Variants in LYRM7 observed in about 807,000 individuals in gnomAD.
The protein encoded by LYRM7 is LYR motif containing 7, also known as complex III assembly factor LYRM7.
In LYRM7, 9 loss-of-function variants were observed where a neutral mutation model predicts 15.8. The observed-to-expected ratio is 0.57, with a 90% CI of 0.34 to 0.99. The LOEUF (loss-of-function observed/expected upper bound fraction) is 0.99, where lower values mean the gene tolerates loss of function less well. LYRM7 is among the 50% of genes least tolerant of loss of function. The pLI, the probability that LYRM7 is intolerant of heterozygous loss-of-function variation, is 0.02. For missense variants in LYRM7, 115 were observed against 119.1 expected, an observed-to-expected ratio of 0.97 and a Z score of 0.16; for synonymous variants, 39 against 39.4, an observed-to-expected ratio of 0.99 and a Z score of 0.04.
intron 1 of LYRM7, among the ~76,000 whole-genome samples, chr5:131,177,144 A>G (rs1465308040): frequency 1.3e-5 from 2 of 152,194 alleles, no homozygotes; most frequent in African/African-American, 4.8e-5. Flanking sequence ...CCTTTAATAG[A>G]TATCCTAGAT....
chr5:131,185,991 G>A (rs948642202), intron 3 of LYRM7, among the ~76,000 whole-genome samples: 4 of 152,164 alleles, frequency 2.6e-5, no homozygotes, highest in African/African-American at 9.7e-5. Context: ...AAATAGCTAA[G>A]TCTAAATAAT....
intron 4 of LYRM7, among the ~76,000 whole-genome samples, chr5:131,189,220 G>A (rs1209051884): frequency 6.6e-6 from 1 of 151,124 alleles, no homozygotes; most frequent in Admixed American, 6.6e-5. Context: ...GAGGCGGGCG[G>A]ATCACGAGGT....
rs577008496 is a variant in LYRM7 at position 131,184,647 on chromosome 5, G to T, written c.162+2348G>T. Among the ~76,000 whole-genome samples, 113 of 145,210 alleles carry T rather than the reference G, an allele frequency of 7.8e-4. 1 individual carries two copies. The South Asian group carries it at 0.022, about 28-fold the overall frequency. ...AAATGGAATTTTTTTTGGCGGGGGG[G>T]GGGTTCCAGGATTCATGCAGACCAC... On this transcript the variant is annotated intron_variant, in intron 3 of 4. Coordinates refer to ENST00000379380, the MANE Select transcript of LYRM7 (RefSeq NM_181705.4).
intron 4 of LYRM7, among the ~76,000 whole-genome samples, chr5:131,190,053 G>C (rs1292154164): frequency 6.6e-6 from 1 of 150,972 alleles, no homozygotes; most frequent in East Asian, 1.9e-4. Flanking sequence ...AGGATCACTT[G>C]AGCCTGAGAG....
In LYRM7 at chr5:131,201,359, T is replaced by C. The variant is rs1025071656; in HGVS notation, c.*1758T>C. The C allele has an allele frequency of 2.0e-5, 3 of 149,870 alleles. No individual in the cohort carries two copies. Among genetic ancestry groups the C allele is most frequent in the Admixed American group, 1.3e-4 (2 of 15,004 alleles). The allele number at this position is 149,870 out of a possible 1,614,324, so 9.3% of individuals were successfully genotyped here. On this transcript the variant is annotated 3_prime_UTR_variant, in exon 5 of 5. Transcript: ENST00000379380. The stretch of plus-strand genomic sequence containing the variant: ...AAGGAAAAAGGAAAAAAAAAAGATA[T>C]ATTGATACAGATAGGTAGATATGAT...
rs1311892262 is a variant in LYRM7 at position 131,203,480 on chromosome 5, G to A, written c.*3879G>A. The A allele has an allele frequency of 6.6e-6, 1 of 152,268 alleles. No homozygotes were observed. The highest frequency in any genetic ancestry group is 1.5e-5 in the Non-Finnish European group (1 of 68,078). The allele number at this position is 152,268 out of a possible 1,614,324, so 9.4% of individuals were successfully genotyped here. On this transcript the variant is annotated 3_prime_UTR_variant, in exon 5 of 5. Coordinates refer to ENST00000379380, the MANE Select transcript of LYRM7 (RefSeq NM_181705.4). ...AGGCCTAGGTGGGTGGATCACCTGA[G>A]GTTGGGAGTTTGAGACCAGCCTGAC...
At chr5:131,178,620 G>C (rs567967955) in intron 1 of LYRM7, among the ~76,000 whole-genome samples, 1 of 151,954 alleles carries the variant, frequency 6.6e-6, no homozygotes, top group South Asian at 2.1e-4. Flanking sequence ...TTTCAATACA[G>C]ACTCAGAATA....
intron 2 of LYRM7, 76 bp downstream of exon 2, chr5:131,180,243 G>T: frequency 1.0e-6 from 1 of 981,158 alleles, no homozygotes; most frequent in East Asian, 2.5e-5. Flanking sequence ...AACCCTGTGT[G>T]GTCAAGACCC....
At position 131,200,221 on chromosome 5, in the gene LYRM7, C is replaced by T. The variant is rs190990389; in HGVS notation, c.*620C>T. On this transcript the variant is annotated 3_prime_UTR_variant, in exon 5 of 5. Coordinates refer to ENST00000379380, the MANE Select transcript of LYRM7 (RefSeq NM_181705.4). ...TAGATGAATAAAATATTATAGTCAC[C>T]TAGGGTCACTATGGAATAAAGAAAT... 6.6e-6 allele frequency: 1 copy of T among 152,320 alleles called. No individual in the cohort carries two copies. Among genetic ancestry groups the T allele is most frequent in the East Asian group, 1.9e-4 (1 of 5,318 alleles). 9.4% of individuals were successfully genotyped at this position (152,320 alleles called of 1,614,324 possible). A position where few individuals can be genotyped will look rare whatever the true frequency, so the allele number is the denominator to read the frequency against.
intron 3 of LYRM7, 95 bp downstream of exon 3, chr5:131,182,394 T>C: frequency 8.9e-7 from 1 of 1,125,460 alleles, no homozygotes; most frequent in Non-Finnish European, 1.2e-6. Flanking sequence ...ATAAAAACCA[T>C]TACTTGATAG....
intron 1 of LYRM7, among the ~76,000 whole-genome samples, chr5:131,176,799 T>C (rs929608909): frequency 6.6e-6 from 1 of 152,200 alleles, no homozygotes; most frequent in African/African-American, 2.4e-5. Flanking sequence ...CACCTACTTA[T>C]AAGTCAAAAT....
intron 4 of LYRM7, among the ~76,000 whole-genome samples, chr5:131,191,854 CAT>C (rs1755890613): frequency 6.6e-6 from 1 of 151,940 alleles, no homozygotes; most frequent in Non-Finnish European, 1.5e-5. Context: ...AAAAACTAAA[CAT>C]AGAACTATTG....
Position 131,201,563 on chromosome 5 carries a change from T to C in LYRM7, c.*1962T>C, listed in dbSNP as rs983345399. On this transcript the variant is annotated 3_prime_UTR_variant, in exon 5 of 5. Transcript: ENST00000379380. ...GAAACCCTGTCTCTACTAAAAAAAA[T>C]ACAGAATTAGCCAGGTGTGGTGGCA... 1.3e-5 allele frequency: 2 copies of C among 150,992 alleles called. No individual in the cohort carries two copies. Among genetic ancestry groups the C allele is most frequent in the Non-Finnish European group, 3.0e-5 (2 of 67,714 alleles). 9.4% of individuals were successfully genotyped at this position (150,992 alleles called of 1,614,324 possible).
intron 4 of LYRM7, among the ~76,000 whole-genome samples, chr5:131,190,241 G>A (rs917205969): frequency 1.3e-5 from 2 of 151,980 alleles, no homozygotes; most frequent in Non-Finnish European, 2.9e-5. Context: ...TGTCTCCTAC[G>A]CTGGAGTGCA....
intron 4 of LYRM7, among the ~76,000 whole-genome samples, chr5:131,194,178 G>A (rs974850746): frequency 1.3e-5 from 2 of 152,122 alleles, no homozygotes; most frequent in Non-Finnish European, 2.9e-5. Context: ...AGTATCTAAT[G>A]TGGAAAGCAA....
chr5:131,201,523 C>T lies in LYRM7; in HGVS notation c.*1922C>T, dbSNP rs1412855304. ...CCTGAGGTCAGGAGTTCTAGACCAG[C>T]CTGACCAACATGGGGAAACCCTGTC... On this transcript the variant is annotated 3_prime_UTR_variant, in exon 5 of 5. Coordinates refer to ENST00000379380, the MANE Select transcript of LYRM7 (RefSeq NM_181705.4). 1 of 152,004 alleles carries T rather than the reference C, an allele frequency of 6.6e-6. No individual in the cohort carries two copies. Among genetic ancestry groups the T allele is most frequent in the Non-Finnish European group, 1.5e-5 (1 of 68,118 alleles). 9.4% of individuals were successfully genotyped at this position (152,004 alleles called of 1,614,324 possible). A position where few individuals can be genotyped will look rare whatever the true frequency, so the allele number is the denominator to read the frequency against.
At chr5:131,186,924 G>A (rs770196054) in intron 3 of LYRM7, 104 bp from the exon 4 acceptor site, 4 of 673,210 alleles carry the variant, frequency 5.9e-6, no homozygotes, top group Non-Finnish European at 1.0e-5. Context: ...AGAAACTACT[G>A]TATTACTTGA....
intron 1 of LYRM7, among the ~76,000 whole-genome samples, chr5:131,177,737 G>A (rs747487111): frequency 4.6e-5 from 7 of 152,040 alleles, no homozygotes; most frequent in Admixed American, 6.5e-5. Context: ...CTTGTAATTC[G>A]TGTGCCTTAC....
intron 2 of LYRM7, among the ~76,000 whole-genome samples, chr5:131,181,470 T>C (rs1313158251): frequency 7.5e-6 from 1 of 133,208 alleles, no homozygotes; most frequent in African/African-American, 2.7e-5. Flanking sequence ...TATATGTATA[T>C]ATATATAACA....
Sources: allele counts gnomAD v4.1 joint callset (sites outside exome capture counted in the v4.1 genomes callset), GRCh38; gene constraint gnomAD v4.1.1; transcripts MANE v1.5; gene names NCBI Gene and HGNC (gene_info 2026-07-23, HGNC 2026-07-21).